CUBN: variants seen among roughly 807,000 people sequenced by gnomAD.
CUBN encodes the protein 460 kDa receptor.
Under a neutral mutation model 405.3 loss-of-function variants are expected in CUBN, and 282 were observed. The observed-to-expected ratio is 0.70, with a 90% CI of 0.63 to 0.77. The LOEUF (loss-of-function observed/expected upper bound fraction) is 0.77, where lower values mean the gene tolerates loss of function less well. CUBN is among the 30% of genes least tolerant of loss of function. The probability of loss-of-function intolerance (pLI) is 0.00; values close to 1 mark genes in which losing one functional copy is unlikely to be tolerated. For synonymous variants in CUBN, 1,684 were observed against 1,617.0 expected (o/e 1.04, Z -0.99); for missense variants, 4,514 against 4,475.2 (o/e 1.01, Z -0.25).
chr10:17,091,271 A>G (rs1337963017), intron 14 of CUBN, among the ~76,000 whole-genome samples: 2 of 152,226 alleles, frequency 1.3e-5, no homozygotes, highest in Non-Finnish European at 2.9e-5. Context: ...AAATGCCTAG[A>G]ATTGATTAAA....
In CUBN at chr10:17,114,097, G is replaced by A. The variant is rs139348777; in HGVS notation, c.813C>T (p.Pro271=). ...TLDRDECSFQ[P]GPCSTLVQCF... ...ACTGCACAAGTGTGGAGCAAGGCCC[G>A]GGCTGGAAGCTGCACTCGTCTCTGT... is the stretch of plus-strand genomic sequence containing the variant. The change falls in exon 8 of 67, where the codon CCC becomes CCT. Residue 271 remains proline, a synonymous_variant. Coordinates refer to ENST00000377833, the MANE Select transcript of CUBN (RefSeq NM_001081.4). The A allele has an allele frequency of 6.6e-5, 107 of 1,613,316 alleles. No individual in the cohort carries two copies. Among genetic ancestry groups the A allele is most frequent in the Admixed American group, 6.0e-4 (36 of 59,928 alleles).
chr10:16,989,979 G>A (rs556503815), intron 29 of CUBN, among the ~76,000 whole-genome samples: 5 of 152,236 alleles, frequency 3.3e-5, no homozygotes, highest in Non-Finnish European at 5.9e-5. Context: ...TGGCGGACCA[G>A]TGCCTCCACT....
intron 31 of CUBN, among the ~76,000 whole-genome samples, chr10:16,959,053 T>A (rs74116782): frequency 5.3e-5 from 8 of 152,076 alleles, no homozygotes; most frequent in African/African-American, 1.4e-4. Context: ...TTGCAAGCCC[T>A]TTTTATAGCA....
At chr10:17,104,794 T>A (rs554608773) in intron 11 of CUBN, among the ~76,000 whole-genome samples, 189 bp from the exon 12 acceptor site, 1 of 140,478 alleles carries the variant, frequency 7.1e-6, no homozygotes, top group African/African-American at 2.5e-5. Context: ...ATTATATATG[T>A]ATAATTATAT....
At chr10:16,855,870 A>G (rs1018266174) in intron 59 of CUBN, among the ~76,000 whole-genome samples, 1 of 152,218 alleles carries the variant, frequency 6.6e-6, no homozygotes, top group Admixed American at 6.5e-5. Flanking sequence ...TTATTTGTGT[A>G]GTGCAGGGAA....
chr10:16,841,189 G>T, intron 60 of CUBN, 142 bp from the exon 61 acceptor site: 4 of 700,904 alleles, frequency 5.7e-6, no homozygotes, highest in Non-Finnish European at 9.7e-6. Flanking sequence ...TTTAGGAACA[G>T]AATTATAATT....
At position 16,894,934 on chromosome 10, in the gene CUBN, A is replaced by G. The variant is rs553245734; in HGVS notation, c.8598+4062T>C. On this transcript the variant is annotated intron_variant, in intron 54 of 66. Transcript: ENST00000377833. The stretch of plus-strand genomic sequence containing the variant: ...CTTACTTGGCAATGAGACCATTTCT[A>G]TATCTACACTGATCCATCTGATCCT... Among the ~76,000 whole-genome samples the G allele has an allele frequency of 6.6e-5, 10 of 152,252 alleles. No individual in the cohort carries two copies. In the East Asian group the frequency reaches 1.9e-3, roughly 29 times the overall value.
At chr10:17,126,184 G>A (rs1837179395) in intron 4 of CUBN, among the ~76,000 whole-genome samples, 1 of 152,164 alleles carries the variant, frequency 6.6e-6, no homozygotes, top group Non-Finnish European at 1.5e-5. Flanking sequence ...CTGCATAGAA[G>A]GTTACAGCTT....
chr10:17,020,688 T>G (rs1834470275), intron 27 of CUBN, among the ~76,000 whole-genome samples: 1 of 152,214 alleles, frequency 6.6e-6, no homozygotes, highest in Non-Finnish European at 1.5e-5. Context: ...GTTTATACAT[T>G]TGAGCTATGT....
At chr10:17,031,192 A>T (rs1040706141) in intron 27 of CUBN, among the ~76,000 whole-genome samples, 8 of 152,204 alleles carry the variant, frequency 5.3e-5, no homozygotes, top group Non-Finnish European at 1.2e-4. Flanking sequence ...GCAGGCAGAA[A>T]ACAAGAGGAA....
intron 27 of CUBN, among the ~76,000 whole-genome samples, chr10:17,032,193 A>T (rs557620950): frequency 6.6e-6 from 1 of 152,330 alleles, no homozygotes; most frequent in South Asian, 2.1e-4. Flanking sequence ...CCCAGGAAGA[A>T]GCTGAATGAC....
At chr10:16,846,734 T>A (rs1588581457) in intron 60 of CUBN, among the ~76,000 whole-genome samples, 1 of 150,810 alleles carries the variant, frequency 6.6e-6, no homozygotes, top group Admixed American at 6.6e-5. Context: ...ATCACTTGAA[T>A]TCGGGAGGCA....
intron 59 of CUBN, among the ~76,000 whole-genome samples, chr10:16,857,727 G>A (rs1460909094): frequency 6.6e-6 from 1 of 152,020 alleles, no homozygotes; most frequent in Non-Finnish European, 1.5e-5. Context: ...CATAATTAAT[G>A]GTGAAATACT....
chr10:16,862,129 C>G (rs1010793813), intron 59 of CUBN, among the ~76,000 whole-genome samples: 1 of 148,034 alleles, frequency 6.8e-6, no homozygotes, highest in Non-Finnish European at 1.5e-5. Flanking sequence ...AGCCTGGCAA[C>G]AGAGTGAGAC....
At chr10:17,098,635 T>C (rs1836429921) in intron 14 of CUBN, among the ~76,000 whole-genome samples, 1 of 152,176 alleles carries the variant, frequency 6.6e-6, no homozygotes, top group Non-Finnish European at 1.5e-5. Flanking sequence ...AGGAAAAATA[T>C]CCTTCATTCA....
At chr10:17,118,623 G>C (rs938175203) in intron 6 of CUBN, among the ~76,000 whole-genome samples, 5 of 152,148 alleles carry the variant, frequency 3.3e-5, no homozygotes, top group Admixed American at 3.3e-4. Context: ...TTTTGGTAGA[G>C]ACAGGGTTTC....
rs115534900 is a variant in CUBN, at chr10:16,970,248, G to A, written c.4695+12236C>T. Among the ~76,000 whole-genome samples the A allele has an allele frequency of 3.8e-3, 586 of 152,326 alleles. 3 individuals are homozygous for A. Among genetic ancestry groups the A allele is most frequent in the African/African-American group, 0.013 (537 of 41,562 alleles). ...AACACTTTTCCTTCTATTGACAAAT[G>A]AAGGCTGGGCTTATCAGATATAGAA... On this transcript the variant is annotated intron_variant, in intron 31 of 66. Coordinates refer to ENST00000377833, the MANE Select transcript of CUBN (RefSeq NM_001081.4).
intron 50 of CUBN, among the ~76,000 whole-genome samples, chr10:16,904,435 A>G (rs960427314): frequency 6.6e-6 from 1 of 152,258 alleles, no homozygotes; most frequent in African/African-American, 2.4e-5. Flanking sequence ...GCACTTTTGG[A>G]CACACCTTTT....
intron 45 of CUBN, 54 bp from the exon 46 acceptor site, chr10:16,916,084 T>C (rs1564422126): frequency 6.4e-7 from 1 of 1,557,730 alleles, no homozygotes; most frequent in East Asian, 2.3e-5. Flanking sequence ...GCAAGAAAGA[T>C]TGATTCTATT....
Sources: allele counts gnomAD v4.1 joint callset (sites outside exome capture counted in the v4.1 genomes callset), GRCh38; gene constraint gnomAD v4.1.1; transcripts MANE v1.5; gene names NCBI Gene and HGNC (gene_info 2026-07-23, HGNC 2026-07-21).